The following TLK1 variants were observed in gnomAD, a reference collection of about 807,000 sequenced individuals.
TLK1 encodes the protein tousled like kinase 1, also known as serine/threonine-protein kinase tousled-like 1.
TLK1 carries 24 observed loss-of-function variants against 105.3 expected under a neutral mutation model. The observed-to-expected ratio is 0.23, with a 90% CI of 0.17 to 0.32. The LOEUF is 0.32. Ranked by LOEUF, TLK1 falls within the 10% of genes least tolerant of loss-of-function variation. The pLI, the probability that TLK1 is intolerant of heterozygous loss-of-function variation, is 1.00. For synonymous variants in TLK1, 321 were observed against 310.4 expected (o/e 1.03, Z -0.36); for missense variants, 558 against 910.5 (o/e 0.61, Z 4.98).
chr2:171,095,476 AATGAAAAGTTTT>A (rs1689415562), intron 2 of TLK1, among the ~76,000 whole-genome samples: 1 of 152,190 alleles, frequency 6.6e-6, no homozygotes. Context: ...AAGAAAATAT[AATGAAAAGTTTT>A]ATGCCAACAA....
chr2:171,057,053 T>C (rs1389232207), intron 5 of TLK1, among the ~76,000 whole-genome samples: 2 of 152,050 alleles, frequency 1.3e-5, no homozygotes. Context: ...AGAATTATAA[T>C]AGGTCCCTTC....
rs1347718934 is a variant in TLK1 at position 170,991,104 on chromosome 2, T to A, written c.*2676A>T. 6.6e-6 allele frequency: 1 copy of A among 152,142 alleles called. No homozygotes were observed. The highest frequency in any genetic ancestry group is 1.5e-5 in the Non-Finnish European group (1 of 68,016). The allele number at this position is 152,142 out of a possible 1,614,324, so 9.4% of individuals were successfully genotyped here. On this transcript the variant is annotated 3_prime_UTR_variant, in exon 21 of 21. Coordinates refer to ENST00000431350, the MANE Select transcript of TLK1 (RefSeq NM_012290.5). ...GGGTGGTTTCTACACTTACTTCCTC[T>A]CAACATGCACACACTAAAGCAAATT...
chr2:171,064,965 T>C (rs987083670), intron 3 of TLK1, among the ~76,000 whole-genome samples: 2 of 152,198 alleles, frequency 1.3e-5, no homozygotes, highest in African/African-American at 4.8e-5. Flanking sequence ...TACTTGGAAC[T>C]TAGGTCAGTG....
intron 1 of TLK1, among the ~76,000 whole-genome samples, chr2:171,132,278 G>C (rs1404192456): frequency 6.6e-6 from 1 of 152,020 alleles, no homozygotes; most frequent in African/African-American, 2.4e-5. Context: ...CTATCGGGAG[G>C]AGACCCAGCA....
chr2:171,016,507 T>A (rs144035359), intron 12 of TLK1, among the ~76,000 whole-genome samples: 1 of 152,212 alleles, frequency 6.6e-6, no homozygotes, highest in African/African-American at 2.4e-5. Context: ...CCCACTAGAA[T>A]TATAAATCTA....
chr2:171,103,811 C>G (rs1381256069), intron 2 of TLK1, among the ~76,000 whole-genome samples: 4 of 152,036 alleles, frequency 2.6e-5, no homozygotes, highest in Admixed American at 1.3e-4. Context: ...ACATTCTATT[C>G]CAGTAATTTA....
chr2:171,010,468 G>T (rs543916851), intron 14 of TLK1, among the ~76,000 whole-genome samples: 1 of 152,134 alleles, frequency 6.6e-6, no homozygotes, highest in Non-Finnish European at 1.5e-5. Flanking sequence ...AACTCAGGAA[G>T]AAAGTGTGAG....
chr2:171,175,052 A>G (rs546404325), intron 1 of TLK1, among the ~76,000 whole-genome samples: 93 of 152,196 alleles, frequency 6.1e-4, no homozygotes, highest in Non-Finnish European at 1.2e-3. Flanking sequence ...CAACACGGCA[A>G]GGCCCCGTCT....
At chr2:171,059,928 T>C (rs369057596) in intron 4 of TLK1, 28 of 1,487,814 alleles carry the variant, frequency 1.9e-5, no homozygotes, top group Non-Finnish European at 2.5e-5. Flanking sequence ...GCTCACCTCC[T>C]GCTGTACGAC....
intron 1 of TLK1, among the ~76,000 whole-genome samples, chr2:171,135,152 G>C (rs546365153): frequency 6.6e-6 from 1 of 152,060 alleles, no homozygotes; most frequent in Non-Finnish European, 1.5e-5. Flanking sequence ...GAGATCCATC[G>C]CACAGCAGGG....
chr2:171,126,024 T>C (rs1690852074), intron 1 of TLK1, among the ~76,000 whole-genome samples: 1 of 152,162 alleles, frequency 6.6e-6, no homozygotes, highest in South Asian at 2.1e-4. Context: ...TCAAATTCTT[T>C]ATTACAATAA....
At chr2:171,084,592 T>C (rs769218772) in intron 2 of TLK1, among the ~76,000 whole-genome samples, 1 of 152,060 alleles carries the variant, frequency 6.6e-6, no homozygotes, top group Non-Finnish European at 1.5e-5. Context: ...GGAAATCCAA[T>C]TTCACATGAA....
chr2:171,098,371 A>C (rs1164297712), intron 2 of TLK1, among the ~76,000 whole-genome samples: 1 of 152,206 alleles, frequency 6.6e-6, no homozygotes, highest in Non-Finnish European at 1.5e-5. Flanking sequence ...CATATATATA[A>C]TTTCTATTTG....
chr2:171,023,183 A>G (rs1474378598), intron 12 of TLK1: 1 of 469,776 alleles, frequency 2.1e-6, no homozygotes, highest in East Asian at 7.0e-5. Flanking sequence ...GGAGCAAAGG[A>G]GAGAGAGAGA....
intron 2 of TLK1, among the ~76,000 whole-genome samples, chr2:171,086,725 G>T (rs1166654077): frequency 2.0e-5 from 3 of 152,068 alleles, no homozygotes; most frequent in Non-Finnish European, 1.5e-5. Context: ...TTGCTGAGGG[G>T]AAGGTCCCGG....
At chr2:171,185,558 T>G (rs1693011256) in intron 1 of TLK1, among the ~76,000 whole-genome samples, 1 of 152,210 alleles carries the variant, frequency 6.6e-6, no homozygotes, top group African/African-American at 2.4e-5. Context: ...TTGGATATGC[T>G]GCTGCTTCTG....
chr2:171,066,667 T>C (rs1575568663), intron 3 of TLK1, among the ~76,000 whole-genome samples: 1 of 152,190 alleles, frequency 6.6e-6, no homozygotes, highest in Non-Finnish European at 1.5e-5. Context: ...TTTAAAGGAG[T>C]ATACTAAGTT....
intron 12 of TLK1, among the ~76,000 whole-genome samples, chr2:171,027,028 G>A (rs1338593034): frequency 2.0e-5 from 3 of 152,196 alleles, no homozygotes; most frequent in Non-Finnish European, 4.4e-5. Context: ...GGCATAGACA[G>A]ATATAGCATA....
Position 171,011,397 on chromosome 2 carries a change from T to C in TLK1, c.1392A>G (p.Arg464=), listed in dbSNP as rs1191627973. 1 of 1,613,354 alleles carries C rather than the reference T, an allele frequency of 6.2e-7. No individual in the cohort carries two copies. Residue 464 remains arginine, a synonymous_variant, in exon 14 of 21, where the codon AGA becomes AGG. Transcript: ENST00000431350. ...ERYLLLHLLG[R]GGFSEVYKAF... is the part of the protein sequence containing the mutation. ...CCTTATACACTTCACTAAAGCCACC[T>C]CTACCAAGCAGATGAAGTAATAAAT... is the stretch of plus-strand genomic sequence containing the variant.
Sources: gnomAD v4.1 joint callset for allele counts (sites outside exome capture counted in the v4.1 genomes callset) on GRCh38, gnomAD v4.1.1 for gene constraint, MANE v1.5 for transcripts, NCBI Gene and HGNC (gene_info 2026-07-23, HGNC 2026-07-21) for gene names.